DGAT2L6: variants seen among roughly 807,000 people sequenced by gnomAD.
The protein encoded by DGAT2L6 is diacylglycerol O-acyltransferase 2 like 6.
Under a neutral mutation model 25.5 loss-of-function variants are expected in DGAT2L6, and 22 were observed. The observed-to-expected ratio is 0.86, with a 90% CI of 0.62 to 1.23. The LOEUF (loss-of-function observed/expected upper bound fraction) is 1.23, where lower values mean the gene tolerates loss of function less well. DGAT2L6 is among the 50% of genes most tolerant of loss of function. DGAT2L6 has a pLI of 0.00. For missense variants in DGAT2L6, 287 were observed against 253.2 expected, an observed-to-expected ratio of 1.13 and a Z score of -0.91; for synonymous variants, 100 against 94.7, an observed-to-expected ratio of 1.06 and a Z score of -0.32.
rs1319543960 is a variant in DGAT2L6, at chrX:70,199,253, C to T, written c.86-18C>T. ...CTTGAAGGGAACTGAAAGGCTTGAA[C>T]CCTTTGTGTCTCCCCAGGAGCTATT... On this transcript the variant is annotated intron_variant, in intron 1 of 6. Coordinates refer to ENST00000333026, the MANE Select transcript of DGAT2L6 (RefSeq NM_198512.3). 9.2e-7 allele frequency: 1 copy of T among 1,088,189 alleles called. No individual in the cohort carries two copies. The highest frequency in any genetic ancestry group is 1.2e-6 in the Non-Finnish European group (1 of 801,126). 89.7% of individuals were successfully genotyped at this position (1,088,189 alleles called of 1,213,427 possible).
intron 1 of DGAT2L6, among the ~76,000 whole-genome samples, chrX:70,193,962 C>A (rs1190544785): frequency 8.9e-6 from 1 of 112,070 alleles, no homozygotes; most frequent in Non-Finnish European, 1.9e-5. Context: ...TAAATTGTCT[C>A]TGTTAGCAGA....
At chrX:70,201,344 A>ACAACAGGG (rs889246778) in intron 4 of DGAT2L6, among the ~76,000 whole-genome samples, 1 of 112,305 alleles carries the variant, frequency 8.9e-6, no homozygotes. Context: ...TTGTTGTTAA[A>ACAACAGGG]CAACAGGGTG....
At chrX:70,191,426 T>C (rs2085375157) in intron 1 of DGAT2L6, among the ~76,000 whole-genome samples, 1 of 110,071 alleles carries the variant, frequency 9.1e-6, no homozygotes, top group Non-Finnish European at 1.9e-5. Flanking sequence ...AAGAAAGAAA[T>C]GGGTAACACA....
At chrX:70,181,050 C>T (rs2085341689) in intron 1 of DGAT2L6, among the ~76,000 whole-genome samples, 1 of 112,092 alleles carries the variant, frequency 8.9e-6, no homozygotes, top group Non-Finnish European at 1.9e-5. Context: ...GCTTTCAATG[C>T]TTTTGATATA....
intron 5 of DGAT2L6, among the ~76,000 whole-genome samples, chrX:70,203,921 G>T (rs894841942): frequency 9.1e-6 from 1 of 110,229 alleles, no homozygotes; most frequent in Non-Finnish European, 1.9e-5. Context: ...AGTGGGGAAA[G>T]GGAAAGCTAG....
chrX:70,181,113 T>G (rs1426263858), intron 1 of DGAT2L6, among the ~76,000 whole-genome samples: 1 of 112,471 alleles, frequency 8.9e-6, no homozygotes. Context: ...TTATTTTTAT[T>G]TTTTGGAATT....
chrX:70,179,562 C>CTTTTTTTTT (rs3084451), intron 1 of DGAT2L6, among the ~76,000 whole-genome samples: 2 of 64,234 alleles, frequency 3.1e-5, no homozygotes, highest in East Asian at 5.3e-4. Flanking sequence ...TCTGAGGCAG[C>CTTTTTTTTT]TTTTTTTTTT....
At position 70,202,083 on chromosome X, in the gene DGAT2L6, G is replaced by C. The variant is rs146765066; in HGVS notation, c.647+19G>C. The C allele has an allele frequency of 1.4e-3, 1,590 of 1,148,966 alleles. 17 individuals carry two copies. The African/African-American group carries it at 0.024, about 18-fold the overall frequency. The allele number at this position is 1,148,966 out of a possible 1,213,427, so 94.7% of individuals were successfully genotyped here. A position where few individuals can be genotyped will look rare whatever the true frequency, so the allele number is the denominator to read the frequency against. On this transcript the variant is annotated intron_variant, in intron 5 of 6. Transcript: ENST00000333026. ...AAACAGGGTGGGTTCCAAGGTTCTA[G>C]TGCTCTGTTGTCAGGGTGCCATAGG...
intron 1 of DGAT2L6, among the ~76,000 whole-genome samples, chrX:70,184,856 C>T (rs1414019229): frequency 1.8e-5 from 2 of 110,792 alleles, no homozygotes; most frequent in African/African-American, 3.3e-5. Flanking sequence ...AACTCAGCTG[C>T]GTTGGGCTGA....
chrX:70,183,694 G>A (rs1232412795), intron 1 of DGAT2L6, among the ~76,000 whole-genome samples: 1 of 111,224 alleles, frequency 9.0e-6, no homozygotes, highest in South Asian at 3.8e-4. Flanking sequence ...CATCCTTTTT[G>A]GGTGTGTGGG....
At chrX:70,191,117 T>C (rs1191087788) in intron 1 of DGAT2L6, among the ~76,000 whole-genome samples, 1 of 111,685 alleles carries the variant, frequency 9.0e-6, no homozygotes, top group Non-Finnish European at 1.9e-5. Context: ...TAACAAATAA[T>C]CCAGCAAACA....
At chrX:70,198,529 TTG>T (rs1480912443) in intron 1 of DGAT2L6, among the ~76,000 whole-genome samples, 1 of 110,427 alleles carries the variant, frequency 9.1e-6, no homozygotes, top group Non-Finnish European at 1.9e-5. Flanking sequence ...GTTGTTGTTG[TTG>T]TTGTTTGTTT....
intron 1 of DGAT2L6, among the ~76,000 whole-genome samples, chrX:70,193,541 A>T (rs2147606764): frequency 8.9e-6 from 1 of 111,794 alleles, no homozygotes; most frequent in East Asian, 2.8e-4. Flanking sequence ...CATTAAAAGG[A>T]GCGTACACCA....
chrX:70,200,864 G>A (rs373397444), intron 4 of DGAT2L6, among the ~76,000 whole-genome samples: 3 of 111,929 alleles, frequency 2.7e-5, no homozygotes, highest in Admixed American at 9.4e-5. Context: ...TCTTTGGGCC[G>A]GTCATTTGTA....
rs1269220049 is a variant in DGAT2L6, at chrX:70,202,069, G to T, written c.647+5G>T. The T allele has an allele frequency of 8.5e-7, 1 of 1,174,666 alleles. No individual in the cohort carries two copies. The highest frequency in any genetic ancestry group is 1.1e-6 in the Non-Finnish European group (1 of 877,849). ...GAAGATGGCACTGCAAACAGGGTGGGTTCCAAGGTTCTAGTGCTCTGTTGT... is the reference window on the plus strand; with the variant it reads ...GAAGATGGCACTGCAAACAGGGTGGTTTCCAAGGTTCTAGTGCTCTGTTGT... On this transcript the variant is annotated splice_donor_5th_base_variant and intron_variant, in intron 5 of 6. Transcript: ENST00000333026.
intron 6 of DGAT2L6, 136 bp downstream of exon 6, chrX:70,204,652 G>T (rs1271239283): frequency 1.4e-6 from 1 of 730,260 alleles, no homozygotes; most frequent in African/African-American, 2.2e-5. Flanking sequence ...GGGTGGGTAG[G>T]ACAACTAAAC....
At chrX:70,186,855 G>A (rs2085361144) in intron 1 of DGAT2L6, among the ~76,000 whole-genome samples, 1 of 112,231 alleles carries the variant, frequency 8.9e-6, no homozygotes, top group Non-Finnish European at 1.9e-5. Context: ...AGGAATGTGA[G>A]TACGGCTACT....
chrX:70,203,698 G>A (rs150879504), intron 5 of DGAT2L6, among the ~76,000 whole-genome samples: 23 of 111,075 alleles, frequency 2.1e-4, no homozygotes, highest in African/African-American at 6.9e-4. Context: ...AGCACTAGAT[G>A]AGGGGTACCT....
At chrX:70,186,812 G>A (rs867937746) in intron 1 of DGAT2L6, among the ~76,000 whole-genome samples, 1 of 111,897 alleles carries the variant, frequency 8.9e-6, no homozygotes, top group African/African-American at 3.3e-5. Flanking sequence ...ACTAGGCTAC[G>A]AAACACTTTG....
Sources: gnomAD v4.1 joint callset for allele counts (sites outside exome capture counted in the v4.1 genomes callset) on GRCh38, gnomAD v4.1.1 for gene constraint, MANE v1.5 for transcripts, NCBI Gene and HGNC (gene_info 2026-07-23, HGNC 2026-07-21) for gene names.